The following SLC25A30 variants were observed in gnomAD, a reference collection of about 807,000 sequenced individuals.
SLC25A30 encodes the protein solute carrier family 25 member 30.
In SLC25A30, 29 loss-of-function variants were observed where a neutral mutation model predicts 42.7. The observed-to-expected ratio is 0.68, with a 90% CI of 0.51 to 0.93. The LOEUF (loss-of-function observed/expected upper bound fraction) is 0.93. Among genes scored for constraint, SLC25A30 ranks in the 40% least tolerant of loss-of-function variants. SLC25A30 has a pLI of 0.00. For synonymous variants in SLC25A30, 124 were observed against 131.0 expected (o/e 0.95, Z 0.37); for missense variants, 300 against 359.7 (o/e 0.83, Z 1.34).
intron 3 of SLC25A30, among the ~76,000 whole-genome samples, 163 bp from the exon 4 acceptor site, chr13:45,406,140 T>C (rs1228592361): frequency 6.6e-6 from 1 of 152,008 alleles, no homozygotes; most frequent in African/African-American, 2.4e-5. Context: ...TGGAGTGCAA[T>C]GGCTTGATCT....
chr13:45,425,686 A>ATATATATAAG, the SLC25A30 span, among the ~76,000 whole-genome samples: 16 of 126,278 alleles, frequency 1.3e-4, no homozygotes, highest in Non-Finnish European at 2.2e-4. Flanking sequence ...ATATATAAAT[A>ATATATATAAG]TATATACACA....
chr13:45,406,538 C>T (rs73476593), intron 3 of SLC25A30, among the ~76,000 whole-genome samples: 2,368 of 152,280 alleles, frequency 0.016, 53 homozygotes, highest in African/African-American at 0.054. Flanking sequence ...CTACTTTCCT[C>T]CATCCGATAT....
chr13:45,423,780 A>C, the SLC25A30 span, among the ~76,000 whole-genome samples: 1 of 78,488 alleles, frequency 1.3e-5, no homozygotes, highest in Non-Finnish European at 2.2e-5. Context: ...ATATATAAAT[A>C]TATAAATATA....
chr13:45,426,140 G>T, the SLC25A30 span, among the ~76,000 whole-genome samples: 97 of 151,574 alleles, frequency 6.4e-4, no homozygotes, highest in Non-Finnish European at 8.8e-4. Context: ...AGTCTGGAGT[G>T]CAGTGGCGCC....
the SLC25A30 span, among the ~76,000 whole-genome samples, chr13:45,423,707 TATAAAC>T: frequency 3.2e-4 from 3 of 9,340 alleles, no homozygotes; most frequent in African/African-American, 1.0e-3. Flanking sequence ...TATATAAATA[TATAAAC>T]ATATATAAAT....
the SLC25A30 span, among the ~76,000 whole-genome samples, chr13:45,429,056 CTTTTTTTTTTTTT>C: frequency 0.39 from 37,072 of 94,364 alleles, 6,205 homozygotes; most frequent in Non-Finnish European, 0.45. Context: ...TGTGCAAGCT[CTTTTTTTTTTTTT>C]TTTTTTTTTT....
At chr13:45,397,527 C>T (rs1881469793) in intron 8 of SLC25A30, 189 bp from the exon 9 acceptor site, 1 of 429,696 alleles carries the variant, frequency 2.3e-6, no homozygotes. Context: ...CCTGTCTCTA[C>T]TAAAAATACA....
In SLC25A30 at chr13:45,395,260, G is replaced by C; in HGVS notation, c.*714C>G. On this transcript the variant is annotated 3_prime_UTR_variant, in exon 10 of 10. Coordinates refer to ENST00000519676, the MANE Select transcript of SLC25A30 (RefSeq NM_001010875.4). ...ACCTAAGACAGAACCTAAGCTGCTT[G>C]AAAACACCCCCCACCAATACAGACC... 1.0e-6 allele frequency: 1 copy of C among 985,574 alleles called. No individual in the cohort carries two copies. The highest frequency in any genetic ancestry group is 1.2e-6 in the Non-Finnish European group (1 of 830,058). 61.1% of individuals were successfully genotyped at this position (985,574 alleles called of 1,614,324 possible).
Position 45,393,448 on chromosome 13 carries a change from ATAC to A in SLC25A30, c.*2523_*2525del, listed in dbSNP as rs535109979. On this transcript the variant is annotated 3_prime_UTR_variant, in exon 10 of 10. Transcript: ENST00000519676. Reference sequence around the variant, plus strand: ...AAACTTCATACTCTTTATATAATGCATACTATTTCTAGCACATGAATAAATATA... The same window carrying A: ...AAACTTCATACTCTTTATATAATGCATATTTCTAGCACATGAATAAATATA... The A allele has an allele frequency of 5.0e-4, 492 of 983,332 alleles. 7 individuals are homozygous for A. The South Asian group carries it at 0.015, about 31-fold the overall frequency. The allele number at this position is 983,332 out of a possible 1,614,324, so 60.9% of individuals were successfully genotyped here. A position where few individuals can be genotyped will look rare whatever the true frequency, so the allele number is the denominator to read the frequency against.
the SLC25A30 span, among the ~76,000 whole-genome samples, chr13:45,432,383 T>C: frequency 6.6e-6 from 1 of 152,064 alleles, no homozygotes; most frequent in African/African-American, 2.4e-5. Flanking sequence ...TTAGCAAGAA[T>C]TAAAGGAAAT....
In SLC25A30 at chr13:45,394,478, C is replaced by T. The variant is rs1425129340; in HGVS notation, c.*1496G>A. 4 of 985,260 alleles carry T rather than the reference C, an allele frequency of 4.1e-6. No individual in the cohort carries two copies. Among genetic ancestry groups the T allele is most frequent in the Non-Finnish European group, 4.8e-6 (4 of 829,950 alleles). The allele number at this position is 985,260 out of a possible 1,614,324, so 61.0% of individuals were successfully genotyped here. On this transcript the variant is annotated 3_prime_UTR_variant, in exon 10 of 10. Transcript: ENST00000519676. ...CCGCACTACTGTGGAAGGAGAATGC[C>T]CTGGAGCCCCAGCTAACATGTATTT...
rs150664789 is a variant in SLC25A30, at chr13:45,410,385, T to C, written c.64+977A>G. On this transcript the variant is annotated intron_variant, in intron 2 of 9. Transcript: ENST00000519676. ...ACAATCCAAAAATGATTCATAAAACTTGTGTTTGAGGCTGAGCATGGTAAT... is the reference window on the plus strand; with the variant it reads ...ACAATCCAAAAATGATTCATAAAACCTGTGTTTGAGGCTGAGCATGGTAAT... Among the ~76,000 whole-genome samples the C allele has an allele frequency of 2.6e-4, 39 of 152,274 alleles. 1 individual carries two copies. In the East Asian group the frequency reaches 5.6e-3, roughly 22 times the overall value.
At chr13:45,411,513 A>T in intron 1 of SLC25A30, 33 bp from the exon 2 acceptor site, 1 of 1,336,548 alleles carries the variant, frequency 7.5e-7, no homozygotes, top group Non-Finnish European at 1.1e-6. Flanking sequence ...ATCAAGCTGT[A>T]ACTTCTCACA....
chr13:45,408,799 G>A (rs6561227), intron 3 of SLC25A30, 128 bp downstream of exon 3: 382,660 of 711,764 alleles, frequency 0.54, 106,979 homozygotes, highest in African/African-American at 0.68. Context: ...TGAAAAATCT[G>A]TCATGCTATT....
chr13:45,408,095 T>C (rs1232165473), intron 3 of SLC25A30, among the ~76,000 whole-genome samples: 3 of 152,146 alleles, frequency 2.0e-5, no homozygotes, highest in Non-Finnish European at 1.5e-5. Context: ...CTGTCTGCCA[T>C]AGATATAGCA....
At chr13:45,418,517 G>A (rs1348411381), upstream of SLC25A30, 1 of 152,574 alleles carries the variant, frequency 6.6e-6, no homozygotes, top group African/African-American at 2.4e-5. Context: ...GCCCCAGATG[G>A]GGACACGGAG....
intron 7 of SLC25A30, among the ~76,000 whole-genome samples, chr13:45,400,008 G>C: frequency 2.0e-5 from 1 of 49,428 alleles, no homozygotes. Context: ...AATGGATTAT[G>C]TATGATTATA....
At chr13:45,421,699 C>T (rs933072845), upstream of SLC25A30, among the ~76,000 whole-genome samples, 9 of 152,148 alleles carry the variant, frequency 5.9e-5, no homozygotes, top group Non-Finnish European at 1.0e-4. Flanking sequence ...AATGAGGCGA[C>T]GTGTGCAAAA....
chr13:45,423,485 G>A, the SLC25A30 span, among the ~76,000 whole-genome samples: 116 of 134,472 alleles, frequency 8.6e-4, 1 homozygote, highest in African/African-American at 3.2e-3. Context: ...GCCTGTCTCG[G>A]TATAGCCCCA....
Sources: gnomAD v4.1 joint callset for allele counts (sites outside exome capture counted in the v4.1 genomes callset) on GRCh38, gnomAD v4.1.1 for gene constraint, MANE v1.5 for transcripts, NCBI Gene and HGNC (gene_info 2026-07-23, HGNC 2026-07-21) for gene names.